CCDC85A: variants seen among roughly 807,000 people sequenced by gnomAD.
CCDC85A encodes the protein coiled-coil domain containing 85A.
In CCDC85A, 38 loss-of-function variants were observed where a neutral mutation model predicts 50.2. The observed-to-expected ratio is 0.76, with a 90% CI of 0.58 to 0.99. The LOEUF (loss-of-function observed/expected upper bound fraction) is 0.99. Among genes scored for constraint, CCDC85A ranks in the 50% least tolerant of loss-of-function variants. The probability of loss-of-function intolerance (pLI) is 0.00; values close to 1 mark genes in which losing one functional copy is unlikely to be tolerated. For synonymous variants in CCDC85A, 366 were observed against 301.4 expected (o/e 1.21, Z -2.22); for missense variants, 820 against 742.0 (o/e 1.11, Z -1.22).
At chr2:56,321,575 C>T (rs948037944) in intron 2 of CCDC85A, among the ~76,000 whole-genome samples, 11 of 152,236 alleles carry the variant, frequency 7.2e-5, no homozygotes, top group Admixed American at 2.0e-4. Flanking sequence ...CCTAGGAATC[C>T]AACTTACAAG....
chr2:56,297,070 T>G (rs1396845701), intron 2 of CCDC85A, among the ~76,000 whole-genome samples: 1 of 152,204 alleles, frequency 6.6e-6, no homozygotes, highest in Non-Finnish European at 1.5e-5. Context: ...TGAGATGTTT[T>G]GCAAGCACTG....
chr2:56,369,938 T>G (rs1675992270), intron 3 of CCDC85A, among the ~76,000 whole-genome samples: 1 of 152,176 alleles, frequency 6.6e-6, no homozygotes, highest in Non-Finnish European at 1.5e-5. Context: ...AGAGACTCAG[T>G]GATTCATACT....
At chr2:56,350,199 C>A (rs1414826789) in intron 3 of CCDC85A, among the ~76,000 whole-genome samples, 1 of 145,012 alleles carries the variant, frequency 6.9e-6, no homozygotes, top group Non-Finnish European at 1.5e-5. Flanking sequence ...CAGAGTCTCG[C>A]TCTGTCACCC....
chr2:56,235,992 A>G (rs911322005), intron 2 of CCDC85A, among the ~76,000 whole-genome samples: 4 of 152,204 alleles, frequency 2.6e-5, no homozygotes, highest in Non-Finnish European at 5.9e-5. Flanking sequence ...CAAGGGATCA[A>G]AGGAAAAGAA....
chr2:56,368,757 T>C (rs1292096373), intron 3 of CCDC85A, among the ~76,000 whole-genome samples: 1 of 151,880 alleles, frequency 6.6e-6, no homozygotes, highest in East Asian at 1.9e-4. Flanking sequence ...ACTACAGTAT[T>C]ACTCTATTGA....
chr2:56,326,161 G>C (rs980038234), intron 2 of CCDC85A, among the ~76,000 whole-genome samples: 1 of 152,074 alleles, frequency 6.6e-6, no homozygotes, highest in Non-Finnish European at 1.5e-5. Context: ...AATGGGCTTT[G>C]CTGGGCACAC....
chr2:56,229,564 G>T (rs1259116380), intron 2 of CCDC85A, among the ~76,000 whole-genome samples: 4 of 152,098 alleles, frequency 2.6e-5, no homozygotes, highest in Non-Finnish European at 4.4e-5. Context: ...AACTGAAAAC[G>T]AAAGGAGAGA....
In CCDC85A at chr2:56,375,948, G is replaced by A; in HGVS notation, c.1572+13G>A. On this transcript the variant is annotated intron_variant, in intron 5 of 5. Transcript: ENST00000407595. ...ACATTCTCTTAAGGTAACCAATCGT[G>A]TGCAACCATTTATCCAGAGCTTCAG... 1 of 1,610,044 alleles carries A rather than the reference G, an allele frequency of 6.2e-7. No homozygotes were observed. The highest frequency in any genetic ancestry group is 1.1e-5 in the South Asian group (1 of 90,664).
intron 2 of CCDC85A, among the ~76,000 whole-genome samples, chr2:56,318,710 A>C (rs2058870): frequency 0.37 from 56,346 of 151,952 alleles, 12,265 homozygotes; most frequent in African/African-American, 0.6. Context: ...TGTGCACAGT[A>C]ATTTATTCAA....
intron 2 of CCDC85A, among the ~76,000 whole-genome samples, chr2:56,324,969 T>C (rs1673394254): frequency 6.6e-6 from 1 of 152,074 alleles, no homozygotes; most frequent in South Asian, 2.1e-4. Context: ...TAAAGTTTCC[T>C]CTAAACAGTT....
chr2:56,255,778 T>C (rs1669958118), intron 2 of CCDC85A, among the ~76,000 whole-genome samples: 1 of 152,036 alleles, frequency 6.6e-6, no homozygotes, highest in Non-Finnish European at 1.5e-5. Context: ...TTGTTTTGTT[T>C]TATGAGGGAT....
intron 2 of CCDC85A, among the ~76,000 whole-genome samples, chr2:56,322,578 C>T (rs533562377): frequency 2.6e-5 from 4 of 152,064 alleles, no homozygotes; most frequent in African/African-American, 9.6e-5. Flanking sequence ...GAAATGCAAA[C>T]CAAAACCACA....
chr2:56,308,793 G>A (rs866231716), intron 2 of CCDC85A, among the ~76,000 whole-genome samples: 3 of 152,146 alleles, frequency 2.0e-5, no homozygotes, highest in African/African-American at 2.4e-5. Context: ...TGACCGCTGC[G>A]CTGTAGTAGA....
intron 2 of CCDC85A, among the ~76,000 whole-genome samples, chr2:56,211,879 C>T (rs997893992): frequency 2.6e-5 from 4 of 151,974 alleles, no homozygotes; most frequent in Non-Finnish European, 4.4e-5. Context: ...ATATTCCAAA[C>T]GGTTCTCTGT....
intron 3 of CCDC85A, among the ~76,000 whole-genome samples, chr2:56,361,259 G>GAAA (rs5831407): frequency 5.4e-5 from 8 of 147,228 alleles, no homozygotes; most frequent in African/African-American, 7.6e-5. Context: ...GTCTCAAAAA[G>GAAA]AAAAAAAAAA....
At chr2:56,226,198 G>A (rs1233009877) in intron 2 of CCDC85A, among the ~76,000 whole-genome samples, 1 of 152,144 alleles carries the variant, frequency 6.6e-6, no homozygotes, top group African/African-American at 2.4e-5. Flanking sequence ...CCATTTACTT[G>A]CTCTGAGAGA....
intron 3 of CCDC85A, among the ~76,000 whole-genome samples, chr2:56,348,268 A>G (rs1674729650): frequency 6.6e-6 from 1 of 152,170 alleles, no homozygotes; most frequent in Non-Finnish European, 1.5e-5. Flanking sequence ...CCTCCCCAGA[A>G]CAAACCATCC....
chr2:56,271,749 A>G (rs946366096), intron 2 of CCDC85A, among the ~76,000 whole-genome samples: 1 of 152,192 alleles, frequency 6.6e-6, no homozygotes, highest in Non-Finnish European at 1.5e-5. Flanking sequence ...GTTTTTGAGC[A>G]GGAGAGAAGC....
chr2:56,198,568 AT>A (rs1213100937), intron 2 of CCDC85A, among the ~76,000 whole-genome samples: 1 of 152,234 alleles, frequency 6.6e-6, no homozygotes, highest in Non-Finnish European at 1.5e-5. Flanking sequence ...ATAAGGATAC[AT>A]TTTGACTTAA....
Sources: gnomAD v4.1 joint callset for allele counts (sites outside exome capture counted in the v4.1 genomes callset) on GRCh38, gnomAD v4.1.1 for gene constraint, MANE v1.5 for transcripts, NCBI Gene and HGNC (gene_info 2026-07-23, HGNC 2026-07-21) for gene names.